The following AGBL4 variants were observed in gnomAD, a reference collection of about 807,000 sequenced individuals.
AGBL4 encodes the protein AGBL carboxypeptidase 4.
A neutral mutation model predicts 66.4 loss-of-function variants in AGBL4; 58 were observed. That is an observed-to-expected ratio of 0.87 (90% CI 0.71 to 1.09). The LOEUF (loss-of-function observed/expected upper bound fraction) is 1.09. Among genes scored for constraint, AGBL4 ranks in the 50% least tolerant of loss-of-function variants. The pLI, the probability that AGBL4 is intolerant of heterozygous loss-of-function variation, is 0.00. For missense variants in AGBL4, 579 were observed against 631.0 expected, an observed-to-expected ratio of 0.92 and a Z score of 0.88; for synonymous variants, 234 against 222.9, an observed-to-expected ratio of 1.05 and a Z score of -0.44.
chr1:49,002,711 T>A (rs1175368562), intron 5 of AGBL4, among the ~76,000 whole-genome samples: 1 of 152,338 alleles, frequency 6.6e-6, no homozygotes, highest in Admixed American at 6.5e-5. Flanking sequence ...ATTAATGGTT[T>A]CAAATTCCAG....
Position 49,314,693 on chromosome 1 carries a change from G to A in AGBL4, c.283-68829C>T, listed in dbSNP as rs572517772. ...GTGAACAGTGCTGCAATAAACATAC[G>A]TGTGCATGTGTCTTTATAGTATAAT... On this transcript the variant is annotated intron_variant, in intron 3 of 13. Transcript: ENST00000371839. 1.4e-3 allele frequency among the ~76,000 whole-genome samples: 209 copies of A among 152,064 alleles called. 2 individuals are homozygous for A. In the South Asian group the frequency reaches 0.039, roughly 28 times the overall value.
At chr1:49,224,931 C>T (rs779296769) in intron 4 of AGBL4, among the ~76,000 whole-genome samples, 6 of 152,262 alleles carry the variant, frequency 3.9e-5, no homozygotes, top group Admixed American at 6.5e-5. Context: ...TATACGTATG[C>T]GCATGTGGTT....
At chr1:49,557,393 A>G (rs1168687549) in intron 3 of AGBL4, among the ~76,000 whole-genome samples, 1 of 152,138 alleles carries the variant, frequency 6.6e-6, no homozygotes, top group Non-Finnish European at 1.5e-5. Context: ...AATAGAAAAA[A>G]TAGTCTTGAC....
chr1:49,554,970 A>C (rs1159715275), intron 3 of AGBL4, among the ~76,000 whole-genome samples: 2 of 152,328 alleles, frequency 1.3e-5, no homozygotes, highest in East Asian at 1.9e-4. Context: ...TCTTAAAGGC[A>C]GCACGGACCC....
At chr1:49,161,010 G>A (rs1307789801) in intron 4 of AGBL4, among the ~76,000 whole-genome samples, 1 of 152,120 alleles carries the variant, frequency 6.6e-6, no homozygotes, top group Admixed American at 6.5e-5. Context: ...GAGTCGCCAA[G>A]CTAGACCACT....
chr1:49,307,379 T>C (rs78421032), intron 3 of AGBL4, among the ~76,000 whole-genome samples: 4,191 of 152,154 alleles, frequency 0.028, 167 homozygotes, highest in African/African-American at 0.095. Flanking sequence ...AAATAGTCTT[T>C]GGAGAGGAAG....
intron 6 of AGBL4, among the ~76,000 whole-genome samples, chr1:48,829,605 A>C (rs999899518): frequency 1.3e-5 from 2 of 152,206 alleles, no homozygotes; most frequent in Admixed American, 6.5e-5. Flanking sequence ...GAATATAACC[A>C]GTCAGAGAGA....
At chr1:48,561,003 T>C (rs1644388600) in intron 11 of AGBL4, among the ~76,000 whole-genome samples, 1 of 152,262 alleles carries the variant, frequency 6.6e-6, no homozygotes, top group African/African-American at 2.4e-5. Context: ...ATAGTGACCC[T>C]GCACCCTGGC....
intron 8 of AGBL4, among the ~76,000 whole-genome samples, 171 bp downstream of exon 8, chr1:48,653,166 A>G (rs973054912): frequency 6.6e-6 from 1 of 152,230 alleles, no homozygotes; most frequent in Non-Finnish European, 1.5e-5. Flanking sequence ...CTGTGCATGA[A>G]AAAGCCAAAG....
intron 4 of AGBL4, among the ~76,000 whole-genome samples, chr1:49,163,007 C>T (rs1392496407): frequency 1.3e-5 from 2 of 152,056 alleles, no homozygotes; most frequent in Non-Finnish European, 2.9e-5. Context: ...CAGGAGGTGA[C>T]CTGAACAAAG....
chr1:49,621,836 A>C lies in AGBL4; in HGVS notation c.282+75477T>G, dbSNP rs537120096. 2.0e-5 allele frequency among the ~76,000 whole-genome samples: 3 copies of C among 152,328 alleles called. No homozygotes were observed. The South Asian group carries it at 6.2e-4, about 32-fold the overall frequency. On this transcript the variant is annotated intron_variant, in intron 3 of 13. Transcript: ENST00000371839. ...TTTCACAGTTTCAGTTTGACTGCAC[A>C]GAATTCCTTCTCCTGTCTCTGTTAG...
At chr1:49,715,181 G>A (rs1648006469) in intron 2 of AGBL4, among the ~76,000 whole-genome samples, 1 of 151,964 alleles carries the variant, frequency 6.6e-6, no homozygotes. Flanking sequence ...TGTTCTCATT[G>A]TTCAGCTCCC....
intron 9 of AGBL4, among the ~76,000 whole-genome samples, chr1:48,629,267 C>G (rs1352218873): frequency 6.6e-6 from 1 of 152,092 alleles, no homozygotes; most frequent in Admixed American, 6.5e-5. Context: ...GGGTGAGTGA[C>G]TCTGGTTGTG....
intron 3 of AGBL4, among the ~76,000 whole-genome samples, chr1:49,391,549 AGTTTTTTTTTTTT>A (rs1644846038): frequency 7.7e-6 from 1 of 129,710 alleles, no homozygotes; most frequent in Non-Finnish European, 1.5e-5. Context: ...GATAACCATG[AGTTTTTTTTTTTT>A]GTTTTTTTTT....
intron 3 of AGBL4, among the ~76,000 whole-genome samples, chr1:49,316,045 T>A (rs138158693): frequency 6.6e-6 from 1 of 152,032 alleles, no homozygotes; most frequent in East Asian, 1.9e-4. Context: ...AACTATATGG[T>A]ATTCTGGGAA....
chr1:49,733,033 T>C (rs1649574743), intron 2 of AGBL4, among the ~76,000 whole-genome samples: 2 of 151,216 alleles, frequency 1.3e-5, no homozygotes, highest in South Asian at 2.1e-4. Flanking sequence ...AGGAAAAAAA[T>C]TAAAAAGGGG....
At chr1:49,436,803 G>A (rs1027174940) in intron 3 of AGBL4, among the ~76,000 whole-genome samples, 3 of 152,010 alleles carry the variant, frequency 2.0e-5, no homozygotes, top group African/African-American at 4.8e-5. Flanking sequence ...GAGAATAAAC[G>A]TATTCAACAA....
At chr1:49,986,812 C>T (rs1659538715) in intron 1 of AGBL4, among the ~76,000 whole-genome samples, 1 of 152,066 alleles carries the variant, frequency 6.6e-6, no homozygotes, top group South Asian at 2.1e-4. Flanking sequence ...AACTTTCTTA[C>T]ATGCTACCAT....
intron 2 of AGBL4, among the ~76,000 whole-genome samples, chr1:49,710,081 C>A (rs113575559): frequency 0.028 from 4,203 of 152,246 alleles, 166 homozygotes; most frequent in African/African-American, 0.096. Context: ...CCAGTAATCC[C>A]ATTACTGGAT....
Sources: allele counts gnomAD v4.1 joint callset (sites outside exome capture counted in the v4.1 genomes callset), GRCh38; gene constraint gnomAD v4.1.1; transcripts MANE v1.5; gene names NCBI Gene and HGNC (gene_info 2026-07-23, HGNC 2026-07-21).